Variants in CASD1 observed in about 807,000 individuals in gnomAD.
CASD1 encodes the protein CAS1 domain sialic acid O acetyltransferase 1, also known as N-acetylneuraminate (7)9-O-acetyltransferase.
CASD1 carries 41 observed loss-of-function variants against 100.0 expected under a neutral mutation model. The observed-to-expected ratio is 0.41, with a 90% CI of 0.32 to 0.53. CASD1 has a LOEUF of 0.53. Ranked by LOEUF, CASD1 falls within the 20% of genes least tolerant of loss-of-function variation. CASD1 has a pLI of 0.25. For synonymous variants in CASD1, 321 were observed against 315.6 expected, an observed-to-expected ratio of 1.02 and a Z score of -0.18; for missense variants, 774 against 948.7, an observed-to-expected ratio of 0.82 and a Z score of 2.42.
chr7:94,629,913 G>A, the CASD1 span: 131 of 1,573,742 alleles, frequency 8.3e-5, no homozygotes, highest in Non-Finnish European at 1.1e-4. Context: ...TTCAGCTTAC[G>A]CTGTTTATAA....
chr7:94,580,548 A>G, the CASD1 span, among the ~76,000 whole-genome samples: 1 of 152,186 alleles, frequency 6.6e-6, no homozygotes, highest in Non-Finnish European at 1.5e-5. Flanking sequence ...TTCCTTACAA[A>G]AAATTATAAC....
the CASD1 span, chr7:94,626,647 A>G: frequency 1.1e-4 from 17 of 151,826 alleles, no homozygotes; most frequent in African/African-American, 4.1e-4. Context: ...GATGGTTTCC[A>G]TTTCTTCTTT....
At chr7:94,624,191 GTCAAAATC>G in the CASD1 span, 3 of 393,588 alleles carry the variant, frequency 7.6e-6, no homozygotes, top group Non-Finnish European at 1.3e-5. Flanking sequence ...AAATGATTGT[GTCAAAATC>G]TTAGAATCCC....
chr7:94,579,616 A>C, the CASD1 span, among the ~76,000 whole-genome samples: 1 of 152,194 alleles, frequency 6.6e-6, no homozygotes, highest in Non-Finnish European at 1.5e-5. Flanking sequence ...GCAAATATCC[A>C]ACTTCATGTA....
At chr7:94,560,405 T>C (rs887305888), downstream of CASD1, among the ~76,000 whole-genome samples, 1 of 152,138 alleles carries the variant, frequency 6.6e-6, no homozygotes, top group Non-Finnish European at 1.5e-5. Context: ...TTAGTTGAAG[T>C]CTGAGGAATC....
intron 14 of CASD1, 95 bp from the exon 15 acceptor site, chr7:94,551,243 C>T: frequency 2.1e-6 from 2 of 945,724 alleles, no homozygotes; most frequent in South Asian, 3.7e-5. Flanking sequence ...TTTTAACCTA[C>T]CTACTTTTAT....
chr7:94,561,811 G>A (rs1796344079), downstream of CASD1, among the ~76,000 whole-genome samples: 2 of 151,986 alleles, frequency 1.3e-5, no homozygotes, highest in Non-Finnish European at 2.9e-5. Context: ...GTTTGACTGT[G>A]GTTAACAGTA....
Position 94,545,696 on chromosome 7 carries a change from C to T in CASD1, c.1628C>T (p.Ala543Val). ...ALWPQIIQKK[A>V]NGNCFWHFGL... ...TGGCCACAAATAATCCAAAAAAAAG[C>T]AAACGGTAAATATACTTTCTTACTA... The change falls in exon 12 of 18, where the codon GCA becomes GTA. Residue 543 changes from alanine (A) to valine (V), a missense_variant. Transcript: ENST00000297273. 6.3e-7 allele frequency: 1 copy of T among 1,579,666 alleles called. No individual in the cohort carries two copies. Among genetic ancestry groups the T allele is most frequent in the Non-Finnish European group, 8.6e-7 (1 of 1,160,154 alleles).
At chr7:94,620,694 A>G in the CASD1 span, 1 of 152,148 alleles carries the variant, frequency 6.6e-6, no homozygotes, top group South Asian at 2.1e-4. Flanking sequence ...CTTTTTTCTT[A>G]TGATCAGTGC....
the CASD1 span, chr7:94,587,346 T>C: frequency 9.8e-7 from 1 of 1,017,802 alleles, no homozygotes. Context: ...TTTTAAATAC[T>C]CAAAATAAAT....
chr7:94,555,427 A>C, intron 17 of CASD1, 65 bp from the exon 18 acceptor site: 1 of 1,476,890 alleles, frequency 6.8e-7, no homozygotes, highest in Non-Finnish European at 9.2e-7. Context: ...TGTTTAAATT[A>C]GGGAAAACTG....
the CASD1 span, among the ~76,000 whole-genome samples, chr7:94,571,403 C>A: frequency 6.6e-6 from 1 of 152,128 alleles, no homozygotes; most frequent in African/African-American, 2.4e-5. Context: ...TCTTAGTTGA[C>A]AGGTTCCGCA....
chr7:94,521,857 G>A (rs772061348), intron 3 of CASD1, among the ~76,000 whole-genome samples: 30 of 152,246 alleles, frequency 2.0e-4, no homozygotes, highest in East Asian at 1.2e-3. Context: ...AGGCCGAAGC[G>A]GGTGGATCAC....
the CASD1 span, among the ~76,000 whole-genome samples, chr7:94,582,945 A>C: frequency 6.6e-6 from 1 of 152,218 alleles, no homozygotes; most frequent in Non-Finnish European, 1.5e-5. Flanking sequence ...GAGGTGTTTC[A>C]TAGGAAATTC....
intron 5 of CASD1, among the ~76,000 whole-genome samples, chr7:94,530,714 T>A (rs1199205574): frequency 6.6e-6 from 1 of 152,098 alleles, no homozygotes; most frequent in African/African-American, 2.4e-5. Context: ...AGTCTTGGTA[T>A]GGATTGAGGT....
intron 17 of CASD1, 79 bp from the exon 18 acceptor site, chr7:94,555,413 A>T: frequency 7.2e-7 from 1 of 1,392,868 alleles, no homozygotes; most frequent in Non-Finnish European, 9.8e-7. Flanking sequence ...TTATGCAACC[A>T]AATTGTTTAA....
At chr7:94,600,880 C>T in the CASD1 span, 49 of 1,558,118 alleles carry the variant, frequency 3.1e-5, 2 homozygotes, top group South Asian at 4.9e-4. Flanking sequence ...AAGACAATTA[C>T]ACAACAAATT....
downstream of CASD1, among the ~76,000 whole-genome samples, chr7:94,561,695 A>G (rs908834297): frequency 6.6e-6 from 1 of 151,800 alleles, no homozygotes; most frequent in Non-Finnish European, 1.5e-5. Flanking sequence ...AAAAGATGTC[A>G]CTCCTACACC....
intron 1 of CASD1, among the ~76,000 whole-genome samples, chr7:94,512,142 T>G (rs920073198): frequency 6.6e-6 from 1 of 152,220 alleles, no homozygotes; most frequent in Non-Finnish European, 1.5e-5. Flanking sequence ...TGACTCACAT[T>G]ATAACTCTTT....
Sources: gnomAD v4.1 joint callset for allele counts (sites outside exome capture counted in the v4.1 genomes callset) on GRCh38, gnomAD v4.1.1 for gene constraint, MANE v1.5 for transcripts, NCBI Gene and HGNC (gene_info 2026-07-23, HGNC 2026-07-21) for gene names.